DISC1: variants seen among roughly 807,000 people sequenced by gnomAD.
DISC1 encodes disrupted in schizophrenia 1 protein.
Under a neutral mutation model 84.5 loss-of-function variants are expected in DISC1, and 57 were observed. The ratio of observed to expected loss-of-function variants is 0.67; its 90% CI spans 0.55 to 0.84. DISC1 has a LOEUF of 0.84. DISC1 is among the 40% of genes least tolerant of loss of function. The probability of loss-of-function intolerance (pLI) is 0.00; values close to 1 mark genes in which losing one functional copy is unlikely to be tolerated. For synonymous variants in DISC1, 411 were observed against 415.2 expected, an observed-to-expected ratio of 0.99 and a Z score of 0.12; for missense variants, 1,000 against 1,057.8, an observed-to-expected ratio of 0.95 and a Z score of 0.76.
chr1:232,004,290 A>C (rs1255016791), intron 10 of DISC1, among the ~76,000 whole-genome samples: 3 of 152,074 alleles, frequency 2.0e-5, no homozygotes, highest in South Asian at 4.1e-4. Flanking sequence ...AGGAAAAATT[A>C]GTTCTTTGAA....
chr1:231,865,477 T>C (rs1195183154), intron 9 of DISC1, among the ~76,000 whole-genome samples: 2 of 152,234 alleles, frequency 1.3e-5, no homozygotes, highest in Non-Finnish European at 2.9e-5. Flanking sequence ...TGAGTCTTAA[T>C]TCAAGATAAC....
intron 9 of DISC1, among the ~76,000 whole-genome samples, chr1:231,853,382 C>T (rs144685242): frequency 2.0e-3 from 305 of 152,314 alleles, no homozygotes; most frequent in African/African-American, 6.1e-3. Flanking sequence ...ACCCAGGCTA[C>T]GTGGTGCAGC....
intron 1 of DISC1, among the ~76,000 whole-genome samples, chr1:231,641,742 C>G (rs184810340): frequency 1.3e-5 from 2 of 152,352 alleles, no homozygotes; most frequent in Non-Finnish European, 2.9e-5. Flanking sequence ...ACCTCCCCAC[C>G]AGATTAGCTA....
intron 1 of DISC1, among the ~76,000 whole-genome samples, chr1:231,639,400 T>G (rs913034448): frequency 2.0e-4 from 30 of 152,304 alleles, no homozygotes; most frequent in Non-Finnish European, 2.5e-4. Context: ...CCTGTGGTGC[T>G]CCCAACACCT....
rs1241323854 is a variant in DISC1 at position 231,720,973 on chromosome 1, AT to A, written c.1117+18952del. 3.1e-6 allele frequency: 4 copies of A among 1,290,796 alleles called. No individual in the cohort carries two copies. The African/African-American group carries it at 4.6e-5, about 15-fold the overall frequency. 80.0% of individuals were successfully genotyped at this position (1,290,796 alleles called of 1,614,324 possible). A position where few individuals can be genotyped will look rare whatever the true frequency, so the allele number is the denominator to read the frequency against. On this transcript the variant is annotated intron_variant, in intron 3 of 12. Transcript: ENST00000439617. ...AAGTCACTGGAAGGGTTACATTTTC[AT>A]TTGGGGTGAACAGCAACTGTGGATA... is the stretch of plus-strand genomic sequence containing the variant.
At chr1:231,733,780 G>C (rs534580722) in intron 3 of DISC1, among the ~76,000 whole-genome samples, 11 of 80,180 alleles carry the variant, frequency 1.4e-4, no homozygotes, top group Non-Finnish European at 3.3e-4. Flanking sequence ...GGTGGTGGTG[G>C]TGATTGTGGG....
chr1:231,907,112 T>TTCCCTCCCTCCC (rs2088769778), intron 9 of DISC1, among the ~76,000 whole-genome samples: 1 of 75,314 alleles, frequency 1.3e-5, no homozygotes, highest in Non-Finnish European at 2.4e-5. Context: ...CCTTCTCTCC[T>TTCCCTCCCTCCC]TCCTTCCTTC....
chr1:232,026,309 C>A, intron 11 of DISC1, 126 bp from the exon 12 acceptor site: 1 of 643,648 alleles, frequency 1.6e-6, no homozygotes, highest in South Asian at 2.0e-5. Flanking sequence ...CCAGGGGAGA[C>A]ACAGGCCCTA....
intron 1 of DISC1, among the ~76,000 whole-genome samples, chr1:231,681,776 A>G (rs1427909138): frequency 2.6e-5 from 4 of 151,624 alleles, no homozygotes; most frequent in Non-Finnish European, 5.9e-5. Flanking sequence ...GCTCACTGCA[A>G]CCTCCGCCTC....
chr1:231,963,551 C>T (rs1186755620), intron 10 of DISC1, among the ~76,000 whole-genome samples: 1 of 152,064 alleles, frequency 6.6e-6, no homozygotes, highest in African/African-American at 2.4e-5. Flanking sequence ...CCAGGCCTTC[C>T]CATTCAGCCT....
At chr1:231,779,090 C>T (rs1369209025) in intron 6 of DISC1, among the ~76,000 whole-genome samples, 2 of 152,062 alleles carry the variant, frequency 1.3e-5, no homozygotes, top group Admixed American at 6.5e-5. Context: ...AGTCTCACAC[C>T]CCTGCACCTA....
intron 8 of DISC1, among the ~76,000 whole-genome samples, chr1:231,807,726 C>T (rs968975115): frequency 6.6e-6 from 1 of 152,208 alleles, no homozygotes; most frequent in African/African-American, 2.4e-5. Context: ...GCCTGGGTGA[C>T]AGCCTCACTG....
chr1:231,894,183 G>A (rs1261262250), intron 9 of DISC1, among the ~76,000 whole-genome samples: 1 of 152,112 alleles, frequency 6.6e-6, no homozygotes, highest in African/African-American at 2.4e-5. Flanking sequence ...AGTGATCAGA[G>A]ATTTCACTCC....
chr1:231,814,158 A>G (rs889034642), intron 8 of DISC1, among the ~76,000 whole-genome samples: 3 of 152,194 alleles, frequency 2.0e-5, no homozygotes, highest in African/African-American at 7.2e-5. Context: ...GTAACAATAA[A>G]AAAGTTAGCA....
At position 231,694,794 on chromosome 1, in the gene DISC1, A is replaced by G. The variant is rs750030920; in HGVS notation, c.1036A>G (p.Arg346Gly). 112 of 1,613,544 alleles carry G rather than the reference A, an allele frequency of 6.9e-5. No homozygotes were observed. The highest frequency in any genetic ancestry group is 8.6e-5 in the Non-Finnish European group (101 of 1,179,992). Residue 346 changes from arginine (R) to glycine (G), a missense_variant, in exon 2 of 13, where the codon AGG becomes GGG. Physicochemically the swap from Arg to Gly is moderately radical, Grantham distance 125. Around this residue, in one of 3 missense-constraint regions of DISC1, gnomAD observed 311 missense variants for 400.1 expected, o/e 0.78. Coordinates refer to ENST00000439617, the MANE Select transcript of DISC1 (RefSeq NM_018662.3). Reference sequence around the variant, plus strand: ...GCGGGACTGCCTGCTGAGAAACCGGAGGCAGATGGAGGTCAGTGTCTCTTC... The same window carrying G: ...GCGGGACTGCCTGCTGAGAAACCGGGGGCAGATGGAGGTCAGTGTCTCTTC... ...VLRDCLLRNR[R>G]QMEVISLRLK...
chr1:231,930,210 C>T (rs1340717100), intron 9 of DISC1, among the ~76,000 whole-genome samples: 1 of 152,140 alleles, frequency 6.6e-6, no homozygotes, highest in Non-Finnish European at 1.5e-5. Flanking sequence ...GAGATCCTGT[C>T]CTTTAACCCT....
At chr1:231,665,678 A>G (rs1039114292) in intron 1 of DISC1, among the ~76,000 whole-genome samples, 14 of 152,378 alleles carry the variant, frequency 9.2e-5, no homozygotes, top group East Asian at 5.8e-4. Flanking sequence ...TCTGTTATCA[A>G]TAAGGCTTCT....
intron 9 of DISC1, among the ~76,000 whole-genome samples, chr1:231,875,024 A>G (rs956104956): frequency 6.6e-6 from 1 of 152,144 alleles, no homozygotes; most frequent in Non-Finnish European, 1.5e-5. Context: ...AGCCCTCAGG[A>G]TCCAGGCAGA....
chr1:232,021,770 TG>T (rs1390828412), intron 11 of DISC1, among the ~76,000 whole-genome samples: 1 of 152,220 alleles, frequency 6.6e-6, no homozygotes, highest in Non-Finnish European at 1.5e-5. Flanking sequence ...ATGATATTCG[TG>T]GATCTGTAGA....
Sources: gnomAD v4.1 joint callset for allele counts (sites outside exome capture counted in the v4.1 genomes callset) on GRCh38, gnomAD v4.1.1 for gene constraint, gnomAD v4.1.1 regional missense constraint, MANE v1.5 for transcripts, NCBI Gene and HGNC (gene_info 2026-07-23, HGNC 2026-07-21) for gene names.